Variants in TK2 observed in about 807,000 individuals in gnomAD.
TK2 encodes thymidine kinase 2, mitochondrial.
A neutral mutation model predicts 41.9 loss-of-function variants in TK2; 35 were observed. That is an observed-to-expected ratio of 0.84 (90% confidence interval 0.64 to 1.11). The LOEUF (loss-of-function observed/expected upper bound fraction) is 1.11. Ranked by LOEUF, TK2 falls within the 50% of genes least tolerant of loss-of-function variation. The probability of loss-of-function intolerance (pLI) is 0.00; values close to 1 mark genes in which losing one functional copy is unlikely to be tolerated. For synonymous variants in TK2, 128 were observed against 129.1 expected, an observed-to-expected ratio of 0.99 and a Z score of 0.06; for missense variants, 320 against 351.1, an observed-to-expected ratio of 0.91 and a Z score of 0.71.
At chr16:66,541,577 C>T (rs2144458673) in intron 3 of TK2, among the ~76,000 whole-genome samples, 1 of 152,218 alleles carries the variant, frequency 6.6e-6, no homozygotes, top group South Asian at 2.1e-4. Context: ...AGGCACGTAC[C>T]ACCATGCCTG....
At position 66,548,741 on chromosome 16, in the gene TK2, A is replaced by G; in HGVS notation, c.156+237T>C. 9.5e-6 allele frequency: 5 copies of G among 526,856 alleles called. No individual in the cohort carries two copies. The South Asian group carries it at 1.1e-4, about 12-fold the overall frequency. 32.6% of individuals were successfully genotyped at this position (526,856 alleles called of 1,614,324 possible). A position where few individuals can be genotyped will look rare whatever the true frequency, so the allele number is the denominator to read the frequency against. On this transcript the variant is annotated intron_variant, in intron 2 of 9. Transcript: ENST00000544898. ...CCTTAAGCTTTAACAGCCCAAATCT[A>G]CCTGAAGGATACAAATACTTGTGTG...
intron 9 of TK2, among the ~76,000 whole-genome samples, 158 bp downstream of exon 9, chr16:66,513,573 G>C (rs1033462411): frequency 6.6e-6 from 1 of 152,152 alleles, no homozygotes; most frequent in Non-Finnish European, 1.5e-5. Flanking sequence ...CCCAGAAACA[G>C]GCACTGGGAG....
intron 6 of TK2, among the ~76,000 whole-genome samples, chr16:66,526,242 C>T (rs1007469529): frequency 3.3e-5 from 5 of 152,274 alleles, no homozygotes; most frequent in African/African-American, 1.2e-4. Context: ...TCCTAAGACA[C>T]GAAGGAGGTG....
intron 5 of TK2, among the ~76,000 whole-genome samples, chr16:66,529,361 T>A (rs1041179633): frequency 2.0e-5 from 3 of 152,218 alleles, no homozygotes; most frequent in Admixed American, 1.3e-4. Flanking sequence ...GCCTCTTTGA[T>A]GGCAGGTGAG....
rs1470098883 is a variant in TK2, at chr16:66,549,604, C to A, written c.124+334G>T. On this transcript the variant is annotated intron_variant, in intron 1 of 9. Transcript: ENST00000544898. Reference sequence around the variant, plus strand: ...GAGTGTGAGCAGAATCGGCTTAAGGCAGCTCCCAGTCCCCATCGCCCCCAA... The same window carrying A: ...GAGTGTGAGCAGAATCGGCTTAAGGAAGCTCCCAGTCCCCATCGCCCCCAA... The A allele has an allele frequency of 1.1e-5, 12 of 1,131,862 alleles. No homozygotes were observed. In the East Asian group the frequency reaches 3.0e-4, roughly 28 times the overall value. The allele number at this position is 1,131,862 out of a possible 1,614,324, so 70.1% of individuals were successfully genotyped here.
At chr16:66,516,196 G>A (rs1964608121) in intron 8 of TK2, among the ~76,000 whole-genome samples, 1 of 152,070 alleles carries the variant, frequency 6.6e-6, no homozygotes, top group Admixed American at 6.6e-5. Flanking sequence ...GGGTTTGGGG[G>A]GGGTTACAAT....
At chr16:66,524,460 T>A (rs1964870540) in intron 6 of TK2, among the ~76,000 whole-genome samples, 1 of 152,124 alleles carries the variant, frequency 6.6e-6, no homozygotes, top group African/African-American at 2.4e-5. Context: ...CTCAGCCTCC[T>A]AAGTAGCTGG....
intron 6 of TK2, among the ~76,000 whole-genome samples, chr16:66,519,825 C>T (rs555881981): frequency 6.6e-6 from 1 of 152,144 alleles, no homozygotes; most frequent in African/African-American, 2.4e-5. Context: ...ATGGGAGGCT[C>T]TCAGTGGGGA....
At chr16:66,528,415 C>T (rs964558840) in intron 6 of TK2, among the ~76,000 whole-genome samples, 3 of 152,142 alleles carry the variant, frequency 2.0e-5, no homozygotes, top group Admixed American at 6.5e-5. Flanking sequence ...ACAACAAATG[C>T]GACGCACACT....
At chr16:66,549,554 ACCCCCCT>A in intron 1 of TK2, 1 of 1,056,952 alleles carries the variant, frequency 9.5e-7, no homozygotes, top group Non-Finnish European at 1.1e-6. Context: ...CGGGGGCGTA[ACCCCCCT>A]CCCCCACGCT....
At chr16:66,539,954 T>A (rs1450854069) in intron 3 of TK2, among the ~76,000 whole-genome samples, 2 of 152,092 alleles carry the variant, frequency 1.3e-5, no homozygotes, top group African/African-American at 4.8e-5. Flanking sequence ...GCCACTGTTA[T>A]CAGTTAGGAA....
At chr16:66,548,907 C>CTATGGAATGTATT in intron 2 of TK2, 71 bp downstream of exon 2, 1 of 1,466,922 alleles carries the variant, frequency 6.8e-7, no homozygotes, top group Non-Finnish European at 9.5e-7. Context: ...TTGCTTTTTA[C>CTATGGAATGTATT]TCTGCTTTTT....
rs1964532924 is a variant in TK2, at chr16:66,514,082, C to T, written c.619-271G>A. Among the ~76,000 whole-genome samples, 1 of 152,160 alleles carries T rather than the reference C, an allele frequency of 6.6e-6. No homozygotes were observed. Among genetic ancestry groups the T allele is most frequent in the African/African-American group, 2.4e-5 (1 of 41,450 alleles). Reference sequence around the variant, plus strand: ...GCACAAACACTGGCCCTTCCCCTGGCGCCTGAATCAAAGCCAAGGCAAAAG... The same window carrying T: ...GCACAAACACTGGCCCTTCCCCTGGTGCCTGAATCAAAGCCAAGGCAAAAG... On this transcript the variant is annotated intron_variant, in intron 8 of 9. Coordinates refer to ENST00000544898, the MANE Select transcript of TK2 (RefSeq NM_004614.5). This position sits in a 1 kb window ranked among gnomAD's most constrained non-coding sequence, Gnocchi z 4.2.
rs139179685 is a variant in TK2, at chr16:66,536,727, T to C, written c.285+237A>G. Reference sequence around the variant, plus strand: ...AGTGGCTAAGGTCGGCCACTGGGAATAGTATGGGATAGCTGACGGGAAGTC... The same window carrying C: ...AGTGGCTAAGGTCGGCCACTGGGAACAGTATGGGATAGCTGACGGGAAGTC... On this transcript the variant is annotated intron_variant, in intron 4 of 9. Transcript: ENST00000544898. Among the ~76,000 whole-genome samples, 180 of 152,096 alleles carry C rather than the reference T, an allele frequency of 1.2e-3. 1 individual carries two copies. The highest frequency in any genetic ancestry group is 4.0e-3 in the African/African-American group (168 of 41,500).
chr16:66,542,230 C>A (rs1454836494), intron 2 of TK2, among the ~76,000 whole-genome samples: 1 of 152,184 alleles, frequency 6.6e-6, no homozygotes, highest in Non-Finnish European at 1.5e-5. Flanking sequence ...GTCTGCCCAG[C>A]CCAGCTCTGC....
Position 66,536,981 on chromosome 16 carries a change from G to T in TK2, c.268C>A (p.Arg90Ser). 1 of 1,614,006 alleles carries T rather than the reference G, an allele frequency of 6.2e-7. No homozygotes were observed. Among genetic ancestry groups the T allele is most frequent in the Non-Finnish European group, 8.5e-7 (1 of 1,179,996 alleles). ...TEPVSKWRNVRGHNPLGLMYH... is the reference protein window; with the variant it reads ...TEPVSKWRNVSGHNPLGLMYH... ...CCACTCACCAGAGGATTGTGGCCAC[G>T]GACATTTCTCCACTTGGACACAGGC... Residue 90 changes from arginine (R) to serine (S), a missense_variant, in exon 4 of 10, where the codon CGT (arginine) becomes AGT (serine). Coordinates refer to ENST00000544898, the MANE Select transcript of TK2 (RefSeq NM_004614.5).
intron 3 of TK2, among the ~76,000 whole-genome samples, chr16:66,538,329 C>T (rs894429498): frequency 1.3e-5 from 2 of 152,090 alleles, no homozygotes; most frequent in South Asian, 2.1e-4. Flanking sequence ...CTCCTGTATA[C>T]CCTTCAAAAT....
chr16:66,543,529 C>T (rs1259767256), intron 2 of TK2, among the ~76,000 whole-genome samples: 5 of 152,172 alleles, frequency 3.3e-5, no homozygotes, highest in Admixed American at 6.5e-5. Flanking sequence ...CCTCCAGGGG[C>T]ACACACAGAG....
intron 3 of TK2, among the ~76,000 whole-genome samples, chr16:66,537,821 C>T (rs1965333767): frequency 6.6e-6 from 1 of 152,110 alleles, no homozygotes; most frequent in Non-Finnish European, 1.5e-5. Flanking sequence ...GAGAAGGGGC[C>T]ATAGGTGACA....
Sources: allele counts gnomAD v4.1 joint callset (sites outside exome capture counted in the v4.1 genomes callset), GRCh38; gene constraint gnomAD v4.1.1; non-coding constraint Gnocchi (gnomAD v3.1); transcripts MANE v1.5; gene names NCBI Gene and HGNC (gene_info 2026-07-23, HGNC 2026-07-21).